ZNF143: variants seen among roughly 807,000 people sequenced by gnomAD.
The protein encoded by ZNF143 is SPH-binding factor.
Under a neutral mutation model 74.1 loss-of-function variants are expected in ZNF143, and 49 were observed. The observed-to-expected ratio is 0.66, with a 90% CI of 0.53 to 0.84. The LOEUF (loss-of-function observed/expected upper bound fraction) is 0.84. Ranked by LOEUF, ZNF143 falls within the 40% of genes least tolerant of loss-of-function variation. The pLI is 0.00. For missense variants in ZNF143, 637 were observed against 793.4 expected (o/e 0.80, Z 2.37); for synonymous variants, 304 against 282.8 (o/e 1.07, Z -0.75).
intron 1 of ZNF143, 42 bp downstream of exon 1, chr11:9,461,118 C>T: frequency 1.0e-6 from 1 of 981,528 alleles, no homozygotes; most frequent in South Asian, 4.7e-5. Flanking sequence ...GCATTATTCT[C>T]CGCCTGGCCG....
At chr11:9,477,381 A>G (rs1216433013) in intron 5 of ZNF143, among the ~76,000 whole-genome samples, 1 of 151,878 alleles carries the variant, frequency 6.6e-6, no homozygotes, top group Non-Finnish European at 1.5e-5. Context: ...CAGCCTCCCA[A>G]GTAGCTGGGA....
intron 14 of ZNF143, among the ~76,000 whole-genome samples, chr11:9,523,776 G>A (rs938670234): frequency 2.6e-5 from 4 of 151,614 alleles, no homozygotes; most frequent in Non-Finnish European, 4.4e-5. Flanking sequence ...GGCTGGGCGC[G>A]GGGGCTCACG....
intron 1 of ZNF143, among the ~76,000 whole-genome samples, chr11:9,466,973 A>G (rs1856268430): frequency 1.4e-5 from 2 of 145,226 alleles, no homozygotes; most frequent in African/African-American, 5.1e-5. Flanking sequence ...GGCTCACTGC[A>G]AGCTCTGCCT....
rs1297385894 is a variant in ZNF143 at position 9,474,589 on chromosome 11, A to C, written c.329A>C (p.Gln110Pro). Residue 110 changes from glutamine (Q) to proline (P), a missense_variant, in exon 5 of 16, where the codon CAG (glutamine) becomes CCG (proline). Coordinates refer to ENST00000396602, the MANE Select transcript of ZNF143 (RefSeq NM_003442.6). The part of the protein sequence containing the change: ...SLRLEDGQAV[Q>P]LEDGTTAFIH... The stretch of plus-strand genomic sequence containing the variant: ...CGTCTAGAGGATGGTCAAGCAGTAC[A>C]GTTAGAAGATGGTACCACAGCATTT... The C allele has an allele frequency of 3.7e-6, 6 of 1,614,228 alleles. No homozygotes were observed. Among genetic ancestry groups the C allele is most frequent in the Non-Finnish European group, 5.1e-6 (6 of 1,180,040 alleles).
intron 7 of ZNF143, among the ~76,000 whole-genome samples, chr11:9,480,625 C>T (rs756182855): frequency 1.2e-4 from 18 of 152,044 alleles, no homozygotes; most frequent in Non-Finnish European, 2.4e-4. Context: ...GTGGCTCATG[C>T]CTGTAATCCC....
intron 12 of ZNF143, among the ~76,000 whole-genome samples, chr11:9,512,082 G>C (rs1365815516): frequency 6.6e-6 from 1 of 152,130 alleles, no homozygotes; most frequent in Non-Finnish European, 1.5e-5. Context: ...CGAGAATTTA[G>C]TGCATACTTG....
intron 5 of ZNF143, among the ~76,000 whole-genome samples, chr11:9,477,640 C>A (rs989551396): frequency 6.6e-6 from 1 of 151,708 alleles, no homozygotes; most frequent in African/African-American, 2.4e-5. Context: ...ATATATATAT[C>A]GATATAAAAT....
At chr11:9,493,624 C>G (rs1464757262) in intron 7 of ZNF143, among the ~76,000 whole-genome samples, 1 of 152,152 alleles carries the variant, frequency 6.6e-6, no homozygotes, top group Non-Finnish European at 1.5e-5. Flanking sequence ...GCCTCTGTAA[C>G]TCCTCCTTTC....
chr11:9,523,161 AT>A (rs113095445), intron 14 of ZNF143, among the ~76,000 whole-genome samples: 7 of 149,816 alleles, frequency 4.7e-5, no homozygotes, highest in African/African-American at 1.2e-4. Flanking sequence ...GAGAATATTG[AT>A]TTTTTTTTTC....
rs534252103 is a variant in ZNF143 at position 9,475,812 on chromosome 11, G to T, written c.373+1179G>T. 2.6e-5 allele frequency among the ~76,000 whole-genome samples: 4 copies of T among 151,964 alleles called. No individual in the cohort carries two copies. The South Asian group carries it at 8.3e-4, about 32-fold the overall frequency. Reference sequence around the variant, plus strand: ...CTAGGGAGGCTGAGGCAGGAGAATCGCTTGAACCCAGGAGGTAGAGGTTGC... The same window carrying T: ...CTAGGGAGGCTGAGGCAGGAGAATCTCTTGAACCCAGGAGGTAGAGGTTGC... On this transcript the variant is annotated intron_variant, in intron 5 of 15. Coordinates refer to ENST00000396602, the MANE Select transcript of ZNF143 (RefSeq NM_003442.6).
At chr11:9,516,122 G>A in intron 13 of ZNF143, 79 bp from the exon 14 acceptor site, 1 of 1,422,008 alleles carries the variant, frequency 7.0e-7, no homozygotes, top group Non-Finnish European at 9.8e-7. Context: ...CTTATACAAG[G>A]ATTAGTCCTG....
chr11:9,496,078 G>A (rs562058857), intron 8 of ZNF143, among the ~76,000 whole-genome samples: 47 of 152,078 alleles, frequency 3.1e-4, no homozygotes, highest in Admixed American at 1.9e-3. Flanking sequence ...GACCTCAAAC[G>A]TTCCTGTTCC....
intron 11 of ZNF143, among the ~76,000 whole-genome samples, chr11:9,506,491 A>G (rs1172668317): frequency 1.3e-5 from 2 of 152,228 alleles, no homozygotes; most frequent in African/African-American, 4.8e-5. Context: ...AGTGCTCTCA[A>G]ATGAGTCTGC....
intron 11 of ZNF143, among the ~76,000 whole-genome samples, chr11:9,506,535 G>T (rs1848371072): frequency 1.3e-5 from 2 of 152,176 alleles, no homozygotes; most frequent in Non-Finnish European, 1.5e-5. Flanking sequence ...TAGACTGATT[G>T]CCCAGATCCT....
intron 7 of ZNF143, 60 bp from the exon 8 acceptor site, chr11:9,494,586 C>CA: frequency 2.6e-6 from 4 of 1,549,226 alleles, no homozygotes; most frequent in Non-Finnish European, 3.5e-6. Flanking sequence ...GCTAAGATTA[C>CA]TGGCATGAGC....
At position 9,508,649 on chromosome 11, in the gene ZNF143, G is replaced by A; in HGVS notation, c.1178G>A (p.Gly393Glu). ...GEKPYVCTVP[G>E]CDKRFTEYSS... ...AAGCCATATGTTTGTACAGTTCCTGGGTGTGACAAAAGGTTTACAGAATAT... is the reference window on the plus strand; with the variant it reads ...AAGCCATATGTTTGTACAGTTCCTGAGTGTGACAAAAGGTTTACAGAATAT... The change falls in exon 12 of 16, where the codon GGG (glycine) becomes GAG (glutamate). Residue 393 changes from glycine (G) to glutamate (E), a missense_variant. Transcript: ENST00000396602. 1 of 1,613,202 alleles carries A rather than the reference G, an allele frequency of 6.2e-7. No homozygotes were observed. Among genetic ancestry groups the A allele is most frequent in the Non-Finnish European group, 8.5e-7 (1 of 1,180,006 alleles).
chr11:9,488,021 A>G (rs1021592259), intron 7 of ZNF143, among the ~76,000 whole-genome samples: 3 of 152,124 alleles, frequency 2.0e-5, no homozygotes, highest in African/African-American at 7.2e-5. Context: ...TGATTATACA[A>G]ACTTCTTTTG....
At chr11:9,479,583 T>G in intron 7 of ZNF143, 37 bp downstream of exon 7, 1 of 1,568,660 alleles carries the variant, frequency 6.4e-7, no homozygotes, top group East Asian at 2.2e-5. Context: ...AAATCTAGCT[T>G]AGCATTTCTG....
At chr11:9,471,145 T>C (rs1856541313) in intron 1 of ZNF143, 157 bp from the exon 2 acceptor site, 1 of 512,538 alleles carries the variant, frequency 2.0e-6, no homozygotes, top group Non-Finnish European at 3.3e-6. Context: ...CCTTGGACTT[T>C]GGGCTAATAC....
Sources: gnomAD v4.1 joint callset for allele counts (sites outside exome capture counted in the v4.1 genomes callset) on GRCh38, gnomAD v4.1.1 for gene constraint, MANE v1.5 for transcripts, NCBI Gene and HGNC (gene_info 2026-07-23, HGNC 2026-07-21) for gene names.